Variants in GRIP2 observed in about 807,000 individuals in gnomAD.
GRIP2 encodes glutamate receptor interacting protein 2.
In GRIP2, 58 loss-of-function variants were observed where a neutral mutation model predicts 108.3. The observed-to-expected ratio is 0.54, with a 90% CI of 0.43 to 0.67. GRIP2 has a LOEUF of 0.67. Among genes scored for constraint, GRIP2 ranks in the 30% least tolerant of loss-of-function variants. The pLI is 0.00. For synonymous variants in GRIP2, 586 were observed against 598.2 expected, an observed-to-expected ratio of 0.98 and a Z score of 0.30; for missense variants, 1,278 against 1,430.6, an observed-to-expected ratio of 0.89 and a Z score of 1.72.
intron 11 of GRIP2, 37 bp from the exon 12 acceptor site, chr3:14,514,515 C>A (rs1186003481): frequency 2.0e-6 from 3 of 1,497,614 alleles, no homozygotes; most frequent in South Asian, 2.6e-5. Context: ...AGGTGAGCCG[C>A]CCCACGGAGG....
chr3:14,535,761 C>T (rs181227428), intron 1 of GRIP2, among the ~76,000 whole-genome samples: 3 of 152,348 alleles, frequency 2.0e-5, no homozygotes, highest in Admixed American at 6.5e-5. Context: ...CTTCTGGCTC[C>T]CTAAGGGGTC....
At chr3:14,587,775 C>T in the GRIP2 span, among the ~76,000 whole-genome samples, 1 of 152,120 alleles carries the variant, frequency 6.6e-6, no homozygotes, top group Non-Finnish European at 1.5e-5. Flanking sequence ...AGGGTTGTGC[C>T]TGTGCCCAGC....
chr3:14,513,555 C>T, intron 13 of GRIP2, 110 bp downstream of exon 13: 1 of 1,375,108 alleles, frequency 7.3e-7, no homozygotes, highest in Admixed American at 2.3e-5. Flanking sequence ...GAGAAGGGCA[C>T]TGGGCACAGA....
At position 14,512,871 on chromosome 3, in the gene GRIP2, G is replaced by C. The variant is rs752396970; in HGVS notation, c.1640-14C>G. The C allele has an allele frequency of 7.4e-6, 12 of 1,612,744 alleles. No individual in the cohort carries two copies. Among genetic ancestry groups the C allele is most frequent in the Non-Finnish European group, 1.0e-5 (12 of 1,179,016 alleles). The stretch of plus-strand genomic sequence containing the variant: ...GGATGACGGACTCTGGGGGTAGATG[G>C]ACATAAACCGACGTGAGGACCCAGA... On this transcript the variant is annotated splice_polypyrimidine_tract_variant and intron_variant, in intron 13 of 23. Transcript: ENST00000621039. The surrounding 1 kb of genome is among the most constrained non-coding windows in gnomAD (Gnocchi z 5.1).
chr3:14,523,451 G>C, intron 5 of GRIP2, 161 bp downstream of exon 5: 1 of 614,244 alleles, frequency 1.6e-6, no homozygotes. Flanking sequence ...TTCATTGCTT[G>C]GCAGATTTTC....
the GRIP2 span, chr3:14,572,894 A>G: frequency 8.7e-6 from 11 of 1,267,366 alleles, no homozygotes; most frequent in Admixed American, 8.5e-5. Context: ...AGAAATTATC[A>G]GTGAAGGGGA....
At position 14,514,205 on chromosome 3, in the gene GRIP2, A is replaced by G; in HGVS notation, c.1493+87T>C. 4 of 1,213,838 alleles carry G rather than the reference A, an allele frequency of 3.3e-6. No individual in the cohort carries two copies. In the Admixed American group the frequency reaches 7.4e-5, roughly 22 times the overall value. 75.2% of individuals were successfully genotyped at this position (1,213,838 alleles called of 1,614,324 possible). A position where few individuals can be genotyped will look rare whatever the true frequency, so the allele number is the denominator to read the frequency against. ...GGGGCTGATGCAATGGTTAAGTGAG[A>G]TGCGCTTGTGAAGCTAGGGCTTGGT... On this transcript the variant is annotated intron_variant, in intron 12 of 23. Transcript: ENST00000621039.
intron 21 of GRIP2, 45 bp downstream of exon 21, chr3:14,503,521 C>T: frequency 7.2e-7 from 1 of 1,391,208 alleles, no homozygotes; most frequent in Non-Finnish European, 1.0e-6. Flanking sequence ...CCAGAGTGAA[C>T]AGCCCCGGGT....
At chr3:14,561,751 G>A in the GRIP2 span, among the ~76,000 whole-genome samples, 1 of 152,338 alleles carries the variant, frequency 6.6e-6, no homozygotes, top group African/African-American at 2.4e-5. Context: ...GCCAAGTGGT[G>A]ACATTTCTGC....
At position 14,513,112 on chromosome 3, in the gene GRIP2, C is replaced by T. The variant is rs571073540; in HGVS notation, c.1640-255G>A. Among the ~76,000 whole-genome samples the T allele has an allele frequency of 9.7e-4, 147 of 152,228 alleles. 1 individual carries two copies. The highest frequency in any genetic ancestry group is 3.4e-3 in the African/African-American group (141 of 41,526). ...GCCTCTTGGCTGTCGGCTAGTGTGGCGGGCGGGAAGGGAGCTCCCCACAGC... is the reference window on the plus strand; with the variant it reads ...GCCTCTTGGCTGTCGGCTAGTGTGGTGGGCGGGAAGGGAGCTCCCCACAGC... On this transcript the variant is annotated intron_variant, in intron 13 of 23. Coordinates refer to ENST00000621039, the MANE Select transcript of GRIP2 (RefSeq NM_001080423.4).
At chr3:14,537,100 C>T (rs1019735396) in intron 1 of GRIP2, among the ~76,000 whole-genome samples, 1 of 152,190 alleles carries the variant, frequency 6.6e-6, no homozygotes, top group African/African-American at 2.4e-5. Flanking sequence ...GGGCCCACCC[C>T]ACCTTGGCAA....
chr3:14,538,709 G>C (rs193099508), intron 1 of GRIP2, among the ~76,000 whole-genome samples: 1 of 152,358 alleles, frequency 6.6e-6, no homozygotes, highest in African/African-American at 2.4e-5. Context: ...AGTCATCAGA[G>C]AGAGAAAATG....
intron 1 of GRIP2, among the ~76,000 whole-genome samples, chr3:14,535,184 C>G (rs1694806149): frequency 6.6e-6 from 1 of 152,152 alleles, no homozygotes; most frequent in Admixed American, 6.5e-5. Flanking sequence ...GACGGTCCAG[C>G]CCCAGCCAGC....
intron 16 of GRIP2, among the ~76,000 whole-genome samples, chr3:14,510,202 T>C (rs1184817704): frequency 6.6e-6 from 1 of 150,696 alleles, no homozygotes; most frequent in Non-Finnish European, 1.5e-5. Flanking sequence ...CAAGAAACAG[T>C]GGCCTCTTTT....
chr3:14,576,309 C>T, the GRIP2 span, among the ~76,000 whole-genome samples: 1 of 152,234 alleles, frequency 6.6e-6, no homozygotes, highest in Non-Finnish European at 1.5e-5. Context: ...CACTGAGATG[C>T]GGGTGCTGTG....
the GRIP2 span, among the ~76,000 whole-genome samples, chr3:14,600,132 G>A: frequency 6.6e-6 from 1 of 152,128 alleles, no homozygotes; most frequent in Non-Finnish European, 1.5e-5. Context: ...AACCCTAGCA[G>A]TGGAACATCT....
intron 21 of GRIP2, 105 bp from the exon 22 acceptor site, chr3:14,496,665 T>C (rs1435945473): frequency 6.9e-7 from 1 of 1,447,584 alleles, no homozygotes; most frequent in African/African-American, 1.4e-5. Flanking sequence ...GGGACAATGG[T>C]GAACAGGACA....
chr3:14,495,099 C>G lies in GRIP2; in HGVS notation c.2824-110G>C, dbSNP rs1275974805. 4 of 1,401,730 alleles carry G rather than the reference C, an allele frequency of 2.9e-6. No homozygotes were observed. The East Asian group carries it at 6.9e-5, about 24-fold the overall frequency. The allele number at this position is 1,401,730 out of a possible 1,614,324, so 86.8% of individuals were successfully genotyped here. A position where few individuals can be genotyped will look rare whatever the true frequency, so the allele number is the denominator to read the frequency against. On this transcript the variant is annotated intron_variant, in intron 22 of 23. Transcript: ENST00000621039. ...ATTCAGCGCCTCTGGCCAGCCACACCCCCCAGGCTGCAGCACCCCAGCCTC... is the reference window on the plus strand; with the variant it reads ...ATTCAGCGCCTCTGGCCAGCCACACGCCCCAGGCTGCAGCACCCCAGCCTC...
intron 1 of GRIP2, among the ~76,000 whole-genome samples, chr3:14,536,125 T>C (rs1467599979): frequency 6.6e-6 from 1 of 152,220 alleles, no homozygotes; most frequent in South Asian, 2.1e-4. Context: ...ATTTGAAGCC[T>C]CATTCATTTG....
Sources: gnomAD v4.1 joint callset for allele counts (sites outside exome capture counted in the v4.1 genomes callset) on GRCh38, gnomAD v4.1.1 for gene constraint, Gnocchi (gnomAD v3.1) non-coding constraint, MANE v1.5 for transcripts, NCBI Gene and HGNC (gene_info 2026-07-23, HGNC 2026-07-21) for gene names.